BCKDHB: variants seen among roughly 807,000 people sequenced by gnomAD.
BCKDHB encodes 2-oxoisovalerate dehydrogenase subunit beta, mitochondrial.
Under a neutral mutation model 48.5 loss-of-function variants are expected in BCKDHB, and 41 were observed. The ratio of observed to expected loss-of-function variants is 0.85; its 90% confidence interval spans 0.66 to 1.10. BCKDHB has a LOEUF of 1.10. BCKDHB is among the 50% of genes least tolerant of loss of function. The pLI is 0.00. For synonymous variants in BCKDHB, 201 were observed against 174.8 expected (o/e 1.15, Z -1.18); for missense variants, 496 against 494.2 (o/e 1.00, Z -0.03).
intron 6 of BCKDHB, among the ~76,000 whole-genome samples, chr6:80,195,940 T>C (rs917737171): frequency 3.9e-5 from 6 of 152,098 alleles, no homozygotes; most frequent in Non-Finnish European, 8.8e-5. Flanking sequence ...ATAGAGAACA[T>C]TTATGTTTTC....
the BCKDHB span, among the ~76,000 whole-genome samples, chr6:80,387,870 G>T: frequency 6.6e-6 from 1 of 152,342 alleles, no homozygotes; most frequent in East Asian, 1.9e-4. Context: ...ATTGGATCCA[G>T]TGAGCAAGAA....
At chr6:80,177,582 T>A (rs377681690) in intron 6 of BCKDHB, among the ~76,000 whole-genome samples, 1 of 152,136 alleles carries the variant, frequency 6.6e-6, no homozygotes, top group Non-Finnish European at 1.5e-5. Context: ...AAAATTTTGC[T>A]GATAAAAAAG....
intron 6 of BCKDHB, among the ~76,000 whole-genome samples, chr6:80,185,952 T>G (rs770352152): frequency 3.9e-5 from 6 of 152,170 alleles, no homozygotes; most frequent in Non-Finnish European, 8.8e-5. Flanking sequence ...CTCTGGTTAG[T>G]CAGGATGTTG....
Position 80,127,549 on chromosome 6 carries a change from C to A in BCKDHB, c.199C>A (p.Gln67Lys), listed in dbSNP as rs1292931885. ...GATTTTTTTTTTGATTTTCACAGGG[C>A]AAACTCAGAAAATGAATCTTTTCCA... is the stretch of plus-strand genomic sequence containing the variant. ...QPDPEPREYG[Q>K]TQKMNLFQSV... The change falls in exon 2 of 10, where the codon CAA becomes AAA. Residue 67 changes from glutamine to lysine, a missense_variant and splice_region_variant. Coordinates refer to ENST00000320393, the MANE Select transcript of BCKDHB (RefSeq NM_183050.4). 1.9e-6 allele frequency: 3 copies of A among 1,611,864 alleles called. No homozygotes were observed. Among genetic ancestry groups the A allele is most frequent in the African/African-American group, 2.7e-5 (2 of 74,722 alleles).
chr6:80,143,257 C>T (rs1430549829), intron 3 of BCKDHB, among the ~76,000 whole-genome samples: 1 of 152,108 alleles, frequency 6.6e-6, no homozygotes, highest in East Asian at 1.9e-4. Context: ...TTGATATTGT[C>T]ACTTACCTGA....
At chr6:80,381,443 C>T in the BCKDHB span, among the ~76,000 whole-genome samples, 3 of 152,048 alleles carry the variant, frequency 2.0e-5, no homozygotes, top group Non-Finnish European at 4.4e-5. Flanking sequence ...TTACACCTTG[C>T]ATTATTTCTC....
the BCKDHB span, among the ~76,000 whole-genome samples, chr6:80,407,441 C>G: frequency 9.9e-5 from 15 of 152,060 alleles, no homozygotes; most frequent in African/African-American, 3.4e-4. Context: ...TATAAGTTAC[C>G]TTGGGCAGTA....
At chr6:80,377,544 C>A in the BCKDHB span, among the ~76,000 whole-genome samples, 3 of 152,118 alleles carry the variant, frequency 2.0e-5, no homozygotes. Flanking sequence ...GTAAGGGTCT[C>A]ATTTCATTCT....
chr6:80,435,017 T>C, the BCKDHB span, among the ~76,000 whole-genome samples: 1 of 152,258 alleles, frequency 6.6e-6, no homozygotes, highest in African/African-American at 2.4e-5. Context: ...CTTTCTTTAA[T>C]TCTAATCTCG....
At chr6:80,425,004 T>C in the BCKDHB span, among the ~76,000 whole-genome samples, 1 of 152,080 alleles carries the variant, frequency 6.6e-6, no homozygotes, top group Non-Finnish European at 1.5e-5. Flanking sequence ...ATTGTACTAA[T>C]GCAAAGAAGA....
In BCKDHB at chr6:80,343,728, C is replaced by T. The variant is rs1358552649; in HGVS notation, c.1103C>T (p.Pro368Leu). The change falls in exon 10 of 10, where the codon CCT becomes CTT. Residue 368 changes from proline to leucine, a missense_variant. Coordinates refer to ENST00000320393, the MANE Select transcript of BCKDHB (RefSeq NM_183050.4). ...SRVCGYDTPF[P>L]HIFEPFYIPD... ...GTATGTGGTTATGACACACCATTTCCTCACATTTTTGAACCATTCTACATC... is the reference window on the plus strand; with the variant it reads ...GTATGTGGTTATGACACACCATTTCTTCACATTTTTGAACCATTCTACATC... 1.2e-6 allele frequency: 2 copies of T among 1,613,798 alleles called. No individual in the cohort carries two copies. Among genetic ancestry groups the T allele is most frequent in the Non-Finnish European group, 1.7e-6 (2 of 1,179,908 alleles).
downstream of BCKDHB, among the ~76,000 whole-genome samples, chr6:80,350,373 T>G (rs1018375020): frequency 6.8e-6 from 1 of 148,060 alleles, no homozygotes; most frequent in Non-Finnish European, 1.5e-5. Flanking sequence ...ATTGAAGTTT[T>G]TTAAAATAAA....
At chr6:80,168,670 A>T (rs188376393) in intron 4 of BCKDHB, among the ~76,000 whole-genome samples, 253 of 139,532 alleles carry the variant, frequency 1.8e-3, no homozygotes, top group Non-Finnish European at 2.9e-3. Flanking sequence ...AAAGGAAGGG[A>T]GGGAAAGACT....
At chr6:80,440,015 T>C in the BCKDHB span, among the ~76,000 whole-genome samples, 9 of 152,280 alleles carry the variant, frequency 5.9e-5, no homozygotes, top group African/African-American at 2.2e-4. Flanking sequence ...AAAATGGCCA[T>C]GTGAAAAGGA....
At chr6:80,415,551 C>T in the BCKDHB span, among the ~76,000 whole-genome samples, 1 of 152,114 alleles carries the variant, frequency 6.6e-6, no homozygotes, top group African/African-American at 2.4e-5. Flanking sequence ...GTTTTTAGTT[C>T]TATTCATGTG....
chr6:80,377,398 C>T, the BCKDHB span, among the ~76,000 whole-genome samples: 2 of 152,112 alleles, frequency 1.3e-5, no homozygotes, highest in East Asian at 3.8e-4. Flanking sequence ...CTTTTAGTGT[C>T]ATAGGTAAGT....
intron 8 of BCKDHB, among the ~76,000 whole-genome samples, chr6:80,246,839 G>T (rs1442320500): frequency 2.6e-5 from 4 of 151,770 alleles, no homozygotes; most frequent in Admixed American, 1.3e-4. Context: ...GTACACACTT[G>T]CACACACACA....
intron 3 of BCKDHB, among the ~76,000 whole-genome samples, chr6:80,153,022 A>G (rs903123004): frequency 2.0e-5 from 3 of 152,166 alleles, no homozygotes; most frequent in African/African-American, 4.8e-5. Context: ...GTTGGGTTCA[A>G]TCCTTGACCT....
In BCKDHB at chr6:80,143,878, A is replaced by G. The variant is rs938755665; in HGVS notation, c.343+14649A>G. On this transcript the variant is annotated intron_variant, in intron 3 of 9. Coordinates refer to ENST00000320393, the MANE Select transcript of BCKDHB (RefSeq NM_183050.4). ...TGTAATACTGGCTCTTGGAAACTCTAGTATCTTTAGTAATAAGGAATTTCT... is the reference window on the plus strand; with the variant it reads ...TGTAATACTGGCTCTTGGAAACTCTGGTATCTTTAGTAATAAGGAATTTCT... Among the ~76,000 whole-genome samples the G allele has an allele frequency of 6.6e-5, 10 of 152,122 alleles. No homozygotes were observed. The South Asian group carries it at 8.3e-4, about 13-fold the overall frequency.
Sources: allele counts gnomAD v4.1 joint callset (sites outside exome capture counted in the v4.1 genomes callset), GRCh38; gene constraint gnomAD v4.1.1; transcripts MANE v1.5; gene names NCBI Gene and HGNC (gene_info 2026-07-23, HGNC 2026-07-21).